The following SAMHD1 variants were observed in gnomAD, a reference collection of about 807,000 sequenced individuals.
SAMHD1 encodes deoxynucleoside triphosphate triphosphohydrolase SAMHD1.
SAMHD1 carries 54 observed loss-of-function variants against 79.6 expected under a neutral mutation model. The observed-to-expected ratio is 0.68, with a 90% confidence interval of 0.55 to 0.85. The LOEUF is 0.85. SAMHD1 is among the 40% of genes least tolerant of loss of function. The pLI is 0.00. For missense variants in SAMHD1, 663 were observed against 782.7 expected, an observed-to-expected ratio of 0.85 and a Z score of 1.82; for synonymous variants, 260 against 264.1, an observed-to-expected ratio of 0.98 and a Z score of 0.15.
At chr20:36,903,749 G>A (rs1176448620) in intron 13 of SAMHD1, among the ~76,000 whole-genome samples, 6 of 148,450 alleles carry the variant, frequency 4.0e-5, no homozygotes, top group Non-Finnish European at 8.9e-5. Context: ...ATGGGGTTTT[G>A]CCTTGTTGGC....
At chr20:36,924,293 A>AAAGGAAGGGAAAGAAGGG (rs1024590201) in intron 6 of SAMHD1, among the ~76,000 whole-genome samples, 1 of 150,042 alleles carries the variant, frequency 6.7e-6, no homozygotes, top group African/African-American at 2.5e-5. Flanking sequence ...AGGGGAAAGA[A>AAAGGAAGGGAAAGAAGGG]AAGGAAGGGA....
intron 7 of SAMHD1, among the ~76,000 whole-genome samples, chr20:36,918,509 G>T (rs2063487862): frequency 6.6e-6 from 1 of 151,342 alleles, no homozygotes; most frequent in Admixed American, 6.6e-5. Context: ...CACTAAAAAA[G>T]AATTTATGGC....
At chr20:36,909,724 C>T (rs1017652508) in intron 11 of SAMHD1, among the ~76,000 whole-genome samples, 31 of 150,290 alleles carry the variant, frequency 2.1e-4, no homozygotes, top group Non-Finnish European at 1.5e-5. Context: ...TTACCCTTTA[C>T]CTCTCTTTCC....
chr20:36,903,486 G>A (rs949203796), intron 13 of SAMHD1, among the ~76,000 whole-genome samples: 4 of 151,470 alleles, frequency 2.6e-5, no homozygotes, highest in East Asian at 1.9e-4. Context: ...TGATCGACCC[G>A]CCTCGGCTTC....
Position 36,935,112 on chromosome 20 carries a change from T to C in SAMHD1, c.426A>G (p.Gln142=), listed in dbSNP as rs2146137510. The C allele has an allele frequency of 1.2e-6, 2 of 1,613,892 alleles. No individual in the cohort carries two copies. The highest frequency in any genetic ancestry group is 1.1e-5 in the South Asian group (1 of 91,076). Residue 142 remains glutamine, a synonymous_variant, in exon 4 of 16, where the codon CAA becomes CAG. Coordinates refer to ENST00000646673, the MANE Select transcript of SAMHD1 (RefSeq NM_015474.4). ...CCAGCTGTTTGATGTATCGAAGACG[T>C]TGAAATTGAGGTGTATCAATGATTC... The part of the protein sequence containing the change: ...LVRIIDTPQF[Q]RLRYIKQLGG...
In SAMHD1 at chr20:36,922,283, C is replaced by A. The variant is rs553679241; in HGVS notation, c.697-2764G>T. ...AAGTCTGAATTAGATAAGAGTACTG[C>A]ATCAACATTAATTTACTGATTTTGA... On this transcript the variant is annotated intron_variant, in intron 6 of 15. Transcript: ENST00000646673. Among the ~76,000 whole-genome samples the A allele has an allele frequency of 6.6e-5, 10 of 152,242 alleles. No individual in the cohort carries two copies. In the South Asian group the frequency reaches 2.1e-3, roughly 32 times the overall value.
chr20:36,912,851 A>C (rs1480195718), intron 9 of SAMHD1, among the ~76,000 whole-genome samples: 2 of 118,918 alleles, frequency 1.7e-5, no homozygotes, highest in African/African-American at 3.3e-5. Flanking sequence ...CTGGGATAAC[A>C]TGCATCAGCC....
chr20:36,922,751 C>T (rs1226009381), intron 6 of SAMHD1, among the ~76,000 whole-genome samples: 1 of 152,112 alleles, frequency 6.6e-6, no homozygotes, highest in East Asian at 1.9e-4. Flanking sequence ...AGCACGATCA[C>T]AGCTCATTGC....
intron 2 of SAMHD1, among the ~76,000 whole-genome samples, chr20:36,941,832 G>A (rs2063645855): frequency 6.6e-6 from 1 of 152,022 alleles, no homozygotes; most frequent in African/African-American, 2.4e-5. Context: ...CTGAACCCAT[G>A]GTAATAAGAA....
At chr20:36,897,609 T>TA in intron 15 of SAMHD1, 1 of 611,390 alleles carries the variant, frequency 1.6e-6, no homozygotes, top group Non-Finnish European at 2.9e-6. Flanking sequence ...ACAATAATGC[T>TA]AAACAGTATC....
At chr20:36,920,039 A>C (rs2063495902) in intron 6 of SAMHD1, among the ~76,000 whole-genome samples, 1 of 152,174 alleles carries the variant, frequency 6.6e-6, no homozygotes, top group African/African-American at 2.4e-5. Context: ...TGAACTCCTG[A>C]AGACATCTGC....
At position 36,904,163 on chromosome 20, in the gene SAMHD1, T is replaced by C; in HGVS notation, c.1497A>G (p.Ile499Met). ...LDVKLKAEDF[I>M]VDVINMDYGM... ...TACTGGGCTAATTACTTACATCCAC[T>C]ATAAAATCTTCAGCCTTCAGTTTCA... Residue 499 changes from isoleucine to methionine, a missense_variant, in exon 13 of 16, where the codon ATA becomes ATG. Transcript: ENST00000646673. 1 of 1,607,514 alleles carries C rather than the reference T, an allele frequency of 6.2e-7. No individual in the cohort carries two copies. Among genetic ancestry groups the C allele is most frequent in the Non-Finnish European group, 8.5e-7 (1 of 1,174,036 alleles).
intron 2 of SAMHD1, among the ~76,000 whole-genome samples, chr20:36,944,511 C>G (rs1568784029): frequency 6.6e-6 from 1 of 152,132 alleles, no homozygotes; most frequent in Non-Finnish European, 1.5e-5. Context: ...TTACTGTTAC[C>G]ACAAACAACA....
intron 1 of SAMHD1, among the ~76,000 whole-genome samples, chr20:36,950,468 AT>A (rs2063726482): frequency 6.6e-6 from 1 of 152,180 alleles, no homozygotes. Flanking sequence ...AATTTACTAA[AT>A]TTGCAAATCC....
chr20:36,946,884 C>T, intron 1 of SAMHD1, 80 bp from the exon 2 acceptor site: 1 of 1,144,192 alleles, frequency 8.7e-7, no homozygotes, highest in South Asian at 1.3e-5. Flanking sequence ...CCAACATTTA[C>T]CCAGATCCAC....
At chr20:36,904,099 G>C (rs561335659) in intron 13 of SAMHD1, 58 bp downstream of exon 13, 22 of 1,147,878 alleles carry the variant, frequency 1.9e-5, no homozygotes, top group Non-Finnish European at 2.7e-5. Context: ...TTTTATAATG[G>C]TGGGTGCTTT....
At position 36,919,441 on chromosome 20, in the gene SAMHD1, G is replaced by A; in HGVS notation, c.775C>T (p.Leu259Phe). 4 of 1,612,766 alleles carry A rather than the reference G, an allele frequency of 2.5e-6. No individual in the cohort carries two copies. The highest frequency in any genetic ancestry group is 3.4e-6 in the Non-Finnish European group (4 of 1,178,930). ...GIKPVMEQYG[L>F]IPEEDICFIK... ...AAGCAAATATCTTCTTCAGGGATGA[G>A]ACCATATTGTTCCATGACAGGCTTA... is the stretch of plus-strand genomic sequence containing the variant. The change falls in exon 7 of 16, where the codon CTC (leucine) becomes TTC (phenylalanine). Residue 259 changes from leucine to phenylalanine, a missense_variant. Transcript: ENST00000646673.
chr20:36,915,491 C>G (rs572639326), intron 9 of SAMHD1, among the ~76,000 whole-genome samples: 52 of 152,248 alleles, frequency 3.4e-4, no homozygotes, highest in South Asian at 2.3e-3. Context: ...AATGCCAGCA[C>G]TTTGGGAGGC....
At chr20:36,925,201 A>G (rs1165068629) in intron 6 of SAMHD1, among the ~76,000 whole-genome samples, 1 of 152,142 alleles carries the variant, frequency 6.6e-6, no homozygotes, top group Non-Finnish European at 1.5e-5. Context: ...ATATACTTAC[A>G]CAAAAATAAA....
Sources: allele counts gnomAD v4.1 joint callset (sites outside exome capture counted in the v4.1 genomes callset), GRCh38; gene constraint gnomAD v4.1.1; transcripts MANE v1.5; gene names NCBI Gene and HGNC (gene_info 2026-07-23, HGNC 2026-07-21).